The following NOMO2 variants were observed in gnomAD, a reference collection of about 807,000 sequenced individuals.
NOMO2 encodes BOS complex subunit NOMO2.
Under a neutral mutation model 67.1 loss-of-function variants are expected in NOMO2, and 14 were observed. That is an observed-to-expected ratio of 0.21 (90% CI 0.14 to 0.33). NOMO2 has a LOEUF of 0.33. Ranked by LOEUF, NOMO2 falls within the 10% of genes least tolerant of loss-of-function variation. The pLI, the probability that NOMO2 is intolerant of heterozygous loss-of-function variation, is 1.00. For missense variants in NOMO2, 178 were observed against 761.0 expected (o/e 0.23, Z 9.01); for synonymous variants, 80 against 305.9 (o/e 0.26, Z 7.71).
chr16:18,535,976 T>C (rs1419997678), intron 11 of NOMO2, among the ~76,000 whole-genome samples: 1 of 151,944 alleles, frequency 6.6e-6, no homozygotes, highest in Non-Finnish European at 1.5e-5. Context: ...TTTTGTATCT[T>C]TAGTACAGAC....
chr16:18,526,367 A>T, intron 16 of NOMO2, among the ~76,000 whole-genome samples: 1 of 152,160 alleles, frequency 6.6e-6, no homozygotes, highest in South Asian at 2.1e-4. Context: ...ACAGTTTCTT[A>T]AAAGGTTAAA....
At chr16:18,549,462 CCA>C (rs1901729103) in intron 5 of NOMO2, 57 bp downstream of exon 5, 1 of 709,038 alleles carries the variant, frequency 1.4e-6, no homozygotes, top group African/African-American at 1.8e-5. Flanking sequence ...AAACCCAGCT[CCA>C]TGACCCCTGT....
At chr16:18,522,781 TG>T (rs1237305291) in intron 18 of NOMO2, among the ~76,000 whole-genome samples, 1 of 46,704 alleles carries the variant, frequency 2.1e-5, no homozygotes, top group African/African-American at 5.6e-5. Context: ...GCCACTAGTC[TG>T]GGGCCCCCAT....
intron 1 of NOMO2, chr16:18,558,926 C>T (rs1172048265): frequency 4.4e-6 from 2 of 451,136 alleles, no homozygotes; most frequent in Admixed American, 2.4e-5. Context: ...AATCCCAGCA[C>T]TTTGGGAGGC....
upstream of NOMO2, chr16:18,562,101 C>A (rs982682425): frequency 1.9e-4 from 265 of 1,370,302 alleles, 5 homozygotes; most frequent in Middle Eastern, 2.2e-3. Flanking sequence ...TCACACTGCA[C>A]GCCGCAGGCT....
At chr16:18,534,008 A>C (rs1048112462) in intron 11 of NOMO2, among the ~76,000 whole-genome samples, 9 of 152,110 alleles carry the variant, frequency 5.9e-5, no homozygotes, top group African/African-American at 2.2e-4. Context: ...AATCTTCAAG[A>C]ATCATTTTAG....
At chr16:18,559,382 C>G (rs1901986403) in intron 1 of NOMO2, among the ~76,000 whole-genome samples, 1 of 151,708 alleles carries the variant, frequency 6.6e-6, no homozygotes, top group African/African-American at 2.4e-5. Flanking sequence ...AAAGCCTCAC[C>G]TCCAAAATGT....
intron 16 of NOMO2, among the ~76,000 whole-genome samples, chr16:18,526,624 A>C (rs1367260261): frequency 6.6e-6 from 1 of 151,610 alleles, no homozygotes; most frequent in Non-Finnish European, 1.5e-5. Context: ...ACACAGATAA[A>C]CTTCAAAAAC....
intron 4 of NOMO2, among the ~76,000 whole-genome samples, chr16:18,550,869 C>T (rs1459936811): frequency 6.6e-6 from 1 of 151,892 alleles, no homozygotes; most frequent in Non-Finnish European, 1.5e-5. Flanking sequence ...GACATAAACG[C>T]TAACAGCGGC....
chr16:18,529,571 T>A lies in NOMO2; in HGVS notation c.1736A>T (p.Asp579Val). Residue 579 changes from aspartate (D) to valine (V), a missense_variant, in exon 15 of 31, where the codon GAC (aspartate) becomes GTC (valine). Coordinates refer to ENST00000622306, the MANE Select transcript of NOMO2 (RefSeq NM_173614.4). Reference sequence around the variant, plus strand: ...CTGCCTGAACTCAACTGCAGACACGTCATCCTCCAGCACTTCCACCTCCAG... The same window carrying A: ...CTGCCTGAACTCAACTGCAGACACGACATCCTCCAGCACTTCCACCTCCAG... ...KSLEVEVLED[D>V]VSAVEFRQTG... is the part of the protein sequence containing the mutation. 1.2e-6 allele frequency: 2 copies of A among 1,607,788 alleles called. No homozygotes were observed. Among genetic ancestry groups the A allele is most frequent in the Non-Finnish European group, 1.7e-6 (2 of 1,177,616 alleles).
At chr16:18,526,487 A>T (rs1440681188) in intron 16 of NOMO2, among the ~76,000 whole-genome samples, 1 of 151,946 alleles carries the variant, frequency 6.6e-6, no homozygotes, top group Non-Finnish European at 1.5e-5. Flanking sequence ...CATTAGTCAT[A>T]ACAGCGTCAA....
intron 5 of NOMO2, among the ~76,000 whole-genome samples, chr16:18,548,956 T>G (rs998123170): frequency 2.1e-5 from 3 of 141,042 alleles, no homozygotes; most frequent in Admixed American, 7.3e-5. Flanking sequence ...GTATTAACTC[T>G]TTTTTTGTTT....
At chr16:18,561,192 A>AAAAAAC (rs1567249219) in intron 1 of NOMO2, among the ~76,000 whole-genome samples, 6 of 143,408 alleles carry the variant, frequency 4.2e-5, no homozygotes, top group East Asian at 4.2e-4. Flanking sequence ...AAAAAAAAAA[A>AAAAAAC]AAAAAAAAAA....
At chr16:18,559,974 G>A (rs986257906) in intron 1 of NOMO2, among the ~76,000 whole-genome samples, 1 of 151,766 alleles carries the variant, frequency 6.6e-6, no homozygotes, top group Non-Finnish European at 1.5e-5. Flanking sequence ...CCACACTGGG[G>A]ACAAGGCTTC....
At chr16:18,556,384 A>G (rs1304289446) in intron 2 of NOMO2, among the ~76,000 whole-genome samples, 1 of 151,596 alleles carries the variant, frequency 6.6e-6, no homozygotes, top group African/African-American at 2.4e-5. Flanking sequence ...CAGAGGTTGC[A>G]GTGAGCCGAG....
At chr16:18,526,351 A>G (rs1901146627) in intron 16 of NOMO2, among the ~76,000 whole-genome samples, 1 of 152,126 alleles carries the variant, frequency 6.6e-6, no homozygotes, top group African/African-American at 2.4e-5. Flanking sequence ...TGTGGAAAAC[A>G]ATTTGACAGT....
At chr16:18,533,976 T>C (rs1901364285) in intron 11 of NOMO2, among the ~76,000 whole-genome samples, 1 of 151,942 alleles carries the variant, frequency 6.6e-6, no homozygotes, top group Non-Finnish European at 1.5e-5. Flanking sequence ...CACAGTTGTC[T>C]TTTCAACTGT....
chr16:18,559,863 A>G (rs1331343281), intron 1 of NOMO2, among the ~76,000 whole-genome samples: 1 of 151,940 alleles, frequency 6.6e-6, no homozygotes, highest in Non-Finnish European at 1.5e-5. Flanking sequence ...AGCAACCAGT[A>G]TAATTTTTTT....
chr16:18,557,174 G>A (rs1395820204), intron 2 of NOMO2, among the ~76,000 whole-genome samples: 4 of 152,026 alleles, frequency 2.6e-5, no homozygotes, highest in Non-Finnish European at 4.4e-5. Context: ...CAGATTATCA[G>A]AGGTTATCAC....
Sources: allele counts gnomAD v4.1 joint callset (sites outside exome capture counted in the v4.1 genomes callset), GRCh38; gene constraint gnomAD v4.1.1; transcripts MANE v1.5; gene names NCBI Gene and HGNC (gene_info 2026-07-23, HGNC 2026-07-21).